The following OXCT1 variants were observed in gnomAD, a reference collection of about 807,000 sequenced individuals.
OXCT1 encodes the protein 3-oxoacid CoA-transferase 1.
Under a neutral mutation model 69.6 loss-of-function variants are expected in OXCT1, and 27 were observed. The observed-to-expected ratio is 0.39, with a 90% CI of 0.29 to 0.54. OXCT1 has a LOEUF of 0.54. OXCT1 is among the 20% of genes least tolerant of loss of function. OXCT1 has a pLI of 0.72. For missense variants in OXCT1, 437 were observed against 650.2 expected (o/e 0.67, Z 3.57); for synonymous variants, 202 against 217.8 (o/e 0.93, Z 0.64).
intron 7 of OXCT1, among the ~76,000 whole-genome samples, chr5:41,814,393 C>A (rs1311517299): frequency 1.3e-5 from 2 of 152,014 alleles, no homozygotes; most frequent in East Asian, 1.9e-4. Flanking sequence ...CAGAAATATT[C>A]CAAACACCAT....
intron 7 of OXCT1, among the ~76,000 whole-genome samples, chr5:41,819,783 C>T (rs577157355): frequency 6.6e-6 from 1 of 152,124 alleles, no homozygotes; most frequent in South Asian, 2.1e-4. Context: ...ATCAACAGCA[C>T]TTGACTCACA....
chr5:41,810,914 T>C (rs1409845002), intron 7 of OXCT1, among the ~76,000 whole-genome samples: 1 of 151,844 alleles, frequency 6.6e-6, no homozygotes, highest in Non-Finnish European at 1.5e-5. Flanking sequence ...GTAAGGGCTG[T>C]TGAGGGGGAG....
At chr5:41,795,609 A>G (rs1451660320) in intron 11 of OXCT1, among the ~76,000 whole-genome samples, 2 of 152,124 alleles carry the variant, frequency 1.3e-5, no homozygotes, top group Admixed American at 1.3e-4. Flanking sequence ...TTTAATCAAC[A>G]AATAACTTCA....
intron 15 of OXCT1, among the ~76,000 whole-genome samples, chr5:41,743,306 A>C: frequency 6.6e-6 from 1 of 151,792 alleles, no homozygotes; most frequent in Non-Finnish European, 1.5e-5. Flanking sequence ...CATATCCTTT[A>C]CCCACTTTTT....
intron 13 of OXCT1, among the ~76,000 whole-genome samples, chr5:41,783,611 G>A (rs1051178385): frequency 1.3e-5 from 2 of 152,210 alleles, no homozygotes; most frequent in African/African-American, 4.8e-5. Flanking sequence ...GTTCATGAGA[G>A]AGACAGAGAT....
At chr5:41,818,224 T>G (rs944863606) in intron 7 of OXCT1, among the ~76,000 whole-genome samples, 1 of 151,662 alleles carries the variant, frequency 6.6e-6, no homozygotes, top group Non-Finnish European at 1.5e-5. Flanking sequence ...AACATGAAAA[T>G]AAGTGCAATA....
intron 13 of OXCT1, among the ~76,000 whole-genome samples, chr5:41,766,900 A>G (rs1744632224): frequency 6.6e-6 from 1 of 152,172 alleles, no homozygotes; most frequent in Admixed American, 6.5e-5. Context: ...TTGGAAGTCA[A>G]AGGGAAAGAT....
At chr5:41,841,007 T>C (rs1748603030) in intron 6 of OXCT1, among the ~76,000 whole-genome samples, 1 of 152,226 alleles carries the variant, frequency 6.6e-6, no homozygotes, top group Non-Finnish European at 1.5e-5. Context: ...CATTCATTGA[T>C]AATTTGTGAG....
intron 7 of OXCT1, among the ~76,000 whole-genome samples, chr5:41,818,390 C>A (rs1012086561): frequency 1.3e-5 from 2 of 152,042 alleles, no homozygotes; most frequent in African/African-American, 4.8e-5. Context: ...CTAGGGTACA[C>A]AGGAAATAAA....
intron 13 of OXCT1, among the ~76,000 whole-genome samples, chr5:41,778,159 A>G (rs920734990): frequency 5.9e-5 from 9 of 152,216 alleles, no homozygotes; most frequent in African/African-American, 2.2e-4. Flanking sequence ...ATTCATAACT[A>G]TATTTAGAAA....
At chr5:41,839,716 T>C (rs1324555702) in intron 7 of OXCT1, among the ~76,000 whole-genome samples, 1 of 151,936 alleles carries the variant, frequency 6.6e-6, no homozygotes, top group Non-Finnish European at 1.5e-5. Flanking sequence ...ATGAGAAAAA[T>C]CAATCAGGAA....
chr5:41,824,820 C>T (rs538751432), intron 7 of OXCT1, among the ~76,000 whole-genome samples: 1 of 152,288 alleles, frequency 6.6e-6, no homozygotes, highest in Admixed American at 6.5e-5. Flanking sequence ...CTTTCAAACT[C>T]ATTCTTAATC....
chr5:41,749,757 CT>C, intron 14 of OXCT1, 150 bp from the exon 15 acceptor site: 3 of 638,618 alleles, frequency 4.7e-6, no homozygotes, highest in Non-Finnish European at 2.8e-6. Context: ...ATTTTTTACT[CT>C]TTTTTTGGAG....
At chr5:41,856,468 A>G (rs1158895490) in intron 3 of OXCT1, among the ~76,000 whole-genome samples, 1 of 152,138 alleles carries the variant, frequency 6.6e-6, no homozygotes, top group African/African-American at 2.4e-5. Context: ...TCCCAACTTC[A>G]TTCCACTCTC....
intron 13 of OXCT1, among the ~76,000 whole-genome samples, chr5:41,781,631 G>A (rs1339429749): frequency 6.6e-6 from 1 of 152,082 alleles, no homozygotes; most frequent in Non-Finnish European, 1.5e-5. Context: ...CAGGCCCTCT[G>A]TATGTGTTGT....
At chr5:41,851,239 A>G (rs1397222595) in intron 4 of OXCT1, among the ~76,000 whole-genome samples, 1 of 152,222 alleles carries the variant, frequency 6.6e-6, no homozygotes, top group Non-Finnish European at 1.5e-5. Flanking sequence ...CAACTCAAAA[A>G]AGAAACTAAC....
chr5:41,840,541 G>A, intron 6 of OXCT1, 30 bp from the exon 7 acceptor site: 2 of 1,519,958 alleles, frequency 1.3e-6, no homozygotes, highest in South Asian at 1.1e-5. Flanking sequence ...AAGAAAGTGG[G>A]GGGGAAAAGA....
intron 1 of OXCT1, 122 bp from the exon 2 acceptor site, chr5:41,862,872 T>C: frequency 3.0e-6 from 2 of 656,910 alleles, no homozygotes; most frequent in Non-Finnish European, 5.6e-6. Flanking sequence ...TATATACACG[T>C]TTTTAATTGC....
At chr5:41,843,641 C>CA (rs1748753708) in intron 5 of OXCT1, 1 of 455,442 alleles carries the variant, frequency 2.2e-6, no homozygotes, top group Admixed American at 2.4e-5. Context: ...TGCCACACTC[C>CA]ATCACTGCAC....
Sources: gnomAD v4.1 joint callset for allele counts (sites outside exome capture counted in the v4.1 genomes callset) on GRCh38, gnomAD v4.1.1 for gene constraint, MANE v1.5 for transcripts, NCBI Gene and HGNC (gene_info 2026-07-23, HGNC 2026-07-21) for gene names.